Variants in USP6NL observed in about 807,000 individuals in gnomAD.
USP6NL encodes USP6 N-terminal-like protein.
Under a neutral mutation model 61.9 loss-of-function variants are expected in USP6NL, and 26 were observed. That is an observed-to-expected ratio of 0.42 (90% confidence interval 0.31 to 0.58). The LOEUF (loss-of-function observed/expected upper bound fraction) is 0.58, where lower values mean the gene tolerates loss of function less well. USP6NL is among the 20% of genes least tolerant of loss of function. USP6NL has a pLI of 0.16. For missense variants in USP6NL, 1,114 were observed against 1,034.3 expected (o/e 1.08, Z -1.06); for synonymous variants, 432 against 390.1 (o/e 1.11, Z -1.27).
intron 2 of USP6NL, among the ~76,000 whole-genome samples, chr10:11,546,510 T>C (rs956873033): frequency 1.3e-5 from 2 of 152,182 alleles, no homozygotes; most frequent in African/African-American, 4.8e-5. Context: ...CAAGCAATTC[T>C]TCTGCCTCAG....
At chr10:11,593,623 T>C (rs1188745898) in intron 2 of USP6NL, among the ~76,000 whole-genome samples, 1 of 152,166 alleles carries the variant, frequency 6.6e-6, no homozygotes, top group Non-Finnish European at 1.5e-5. Context: ...CACAATGAAA[T>C]GCACATCATA....
chr10:11,597,548 T>G lies in USP6NL; in HGVS notation c.4+83A>C. On this transcript the variant is annotated intron_variant, in intron 2 of 14. Transcript: ENST00000609104. This position sits in a 1 kb window ranked among gnomAD's most constrained non-coding sequence, Gnocchi z 4.6. ...AATAAGTGACATAATTCCAATTTAT[T>G]CAGTAACATGTTTTTCTTCTCCTAA... 6 of 1,377,368 alleles carry G rather than the reference T, an allele frequency of 4.4e-6. No homozygotes were observed. Among genetic ancestry groups the G allele is most frequent in the Non-Finnish European group, 6.1e-6 (6 of 988,344 alleles). The allele number at this position is 1,377,368 out of a possible 1,614,324, so 85.3% of individuals were successfully genotyped here.
At chr10:11,545,767 T>C (rs1836249593) in intron 2 of USP6NL, among the ~76,000 whole-genome samples, 1 of 152,242 alleles carries the variant, frequency 6.6e-6, no homozygotes, top group Admixed American at 6.5e-5. Context: ...AATGAATGTC[T>C]TGTAGGACTT....
chr10:11,598,203 T>C lies in USP6NL; in HGVS notation c.-83-486A>G, dbSNP rs1209390165. On this transcript the variant is annotated intron_variant, in intron 1 of 14. Transcript: ENST00000609104. This position sits in a 1 kb window ranked among gnomAD's most constrained non-coding sequence, Gnocchi z 4.7. Reference sequence around the variant, plus strand: ...TATTTTCTTCATTATAAAAGTAATATGGGTTCATTGTTTTAAAAACAAAAA... The same window carrying C: ...TATTTTCTTCATTATAAAAGTAATACGGGTTCATTGTTTTAAAAACAAAAA... Among the ~76,000 whole-genome samples, 1 of 152,238 alleles carries C rather than the reference T, an allele frequency of 6.6e-6. No homozygotes were observed. The highest frequency in any genetic ancestry group is 2.4e-5 in the African/African-American group (1 of 41,464).
chr10:11,509,012 T>TA (rs1834582644), intron 6 of USP6NL, among the ~76,000 whole-genome samples: 1 of 152,218 alleles, frequency 6.6e-6, no homozygotes, highest in Non-Finnish European at 1.5e-5. Context: ...TCTCACTGTT[T>TA]AAAGACTTTT....
intron 6 of USP6NL, among the ~76,000 whole-genome samples, chr10:11,504,275 A>C: frequency 6.6e-6 from 1 of 152,204 alleles, no homozygotes; most frequent in African/African-American, 2.4e-5. Context: ...CAAACTCTAT[A>C]AAACAAAGTG....
At chr10:11,530,695 T>C (rs1312472486) in intron 2 of USP6NL, among the ~76,000 whole-genome samples, 6 of 152,222 alleles carry the variant, frequency 3.9e-5, no homozygotes, top group Admixed American at 2.0e-4. Context: ...TTAGAAAATA[T>C]AGCCAAATCT....
At chr10:11,545,846 T>C (rs973736929) in intron 2 of USP6NL, among the ~76,000 whole-genome samples, 2 of 148,978 alleles carry the variant, frequency 1.3e-5, no homozygotes, top group African/African-American at 4.9e-5. Context: ...GAACTTGTAT[T>C]TGCATATGAC....
At chr10:11,503,464 G>A (rs999154177) in intron 6 of USP6NL, among the ~76,000 whole-genome samples, 2 of 152,052 alleles carry the variant, frequency 1.3e-5, no homozygotes, top group Non-Finnish European at 2.9e-5. Flanking sequence ...TTAAAAAGTA[G>A]GAAATCTGGG....
Position 11,561,343 on chromosome 10 carries a change from G to C in USP6NL, c.5-33776C>G, listed in dbSNP as rs1352751311. 6.6e-6 allele frequency among the ~76,000 whole-genome samples: 1 copy of C among 152,054 alleles called. No homozygotes were observed. Among genetic ancestry groups the C allele is most frequent in the Non-Finnish European group, 1.5e-5 (1 of 68,006 alleles). Reference sequence around the variant, plus strand: ...CCTCTAATGTTAACTTTTTTGGTGGGTTTCCATAAAGTCTTTCTCCTTTGC... The same window carrying C: ...CCTCTAATGTTAACTTTTTTGGTGGCTTTCCATAAAGTCTTTCTCCTTTGC... On this transcript the variant is annotated intron_variant, in intron 2 of 14. Coordinates refer to ENST00000609104, the MANE Select transcript of USP6NL (RefSeq NM_014688.5). This position sits in a 1 kb window ranked among gnomAD's most constrained non-coding sequence, Gnocchi z 4.1.
chr10:11,566,285 AAC>A (rs1837151790), intron 2 of USP6NL, among the ~76,000 whole-genome samples: 1 of 152,204 alleles, frequency 6.6e-6, no homozygotes, highest in African/African-American at 2.4e-5. Context: ...GGCATATATA[AAC>A]AGTTTCTCAA....
At position 11,470,914 on chromosome 10, in the gene USP6NL, G is replaced by A. The variant is rs1279523980; in HGVS notation, c.1079-7065C>T. Among the ~76,000 whole-genome samples the A allele has an allele frequency of 6.6e-6, 1 of 152,176 alleles. No individual in the cohort carries two copies. Among genetic ancestry groups the A allele is most frequent in the African/African-American group, 2.4e-5 (1 of 41,450 alleles). On this transcript the variant is annotated intron_variant, in intron 14 of 14. Transcript: ENST00000609104. The surrounding 1 kb of genome is among the most constrained non-coding windows in gnomAD (Gnocchi z 5.4). ...AACACAGGAATTGGAGGCCTGGCGT[G>A]GTGGCTCACGCCTGTAATCCCAGCA...
intron 6 of USP6NL, among the ~76,000 whole-genome samples, chr10:11,504,832 G>A (rs1222486369): frequency 6.6e-6 from 1 of 152,180 alleles, no homozygotes; most frequent in African/African-American, 2.4e-5. Flanking sequence ...TGCTAACAGT[G>A]CTGAGCACCA....
intron 2 of USP6NL, among the ~76,000 whole-genome samples, chr10:11,555,047 GC>G (rs1165635733): frequency 7.0e-6 from 1 of 143,070 alleles, no homozygotes; most frequent in African/African-American, 2.6e-5. Context: ...CTCATGATCT[GC>G]CCAAAGTGCT....
intron 13 of USP6NL, among the ~76,000 whole-genome samples, chr10:11,483,354 A>C (rs1005526095): frequency 6.6e-6 from 1 of 151,184 alleles, no homozygotes; most frequent in Non-Finnish European, 1.5e-5. Flanking sequence ...ACAATTTAAG[A>C]AGCAGATGAG....
chr10:11,563,238 T>C (rs947571185), intron 2 of USP6NL: 4 of 152,108 alleles, frequency 2.6e-5, no homozygotes, highest in African/African-American at 7.2e-5. Flanking sequence ...TTTATAGAGA[T>C]GGAGAACAAA....
rs185524137 is a variant in USP6NL, at chr10:11,493,011, C to T, written c.494+108G>A. On this transcript the variant is annotated intron_variant, in intron 8 of 14. Transcript: ENST00000609104. Reference sequence around the variant, plus strand: ...GCAAATGATCTGCAAAAGCTTAAACCTTTAGGACCTAAATCGAAATTACAG... The same window carrying T: ...GCAAATGATCTGCAAAAGCTTAAACTTTTAGGACCTAAATCGAAATTACAG... 5.4e-6 allele frequency: 5 copies of T among 923,882 alleles called. No homozygotes were observed. The African/African-American group carries it at 6.7e-5, about 12-fold the overall frequency. The allele number at this position is 923,882 out of a possible 1,614,324, so 57.2% of individuals were successfully genotyped here. A position where few individuals can be genotyped will look rare whatever the true frequency, so the allele number is the denominator to read the frequency against.
rs1591864327 is a variant in USP6NL, at chr10:11,510,276, G to A, written c.196-601C>T. 2.6e-5 allele frequency among the ~76,000 whole-genome samples: 4 copies of A among 152,256 alleles called. No individual in the cohort carries two copies. Among genetic ancestry groups the A allele is most frequent in the East Asian group, 3.9e-4 (2 of 5,188 alleles). On this transcript the variant is annotated intron_variant, in intron 5 of 14. Coordinates refer to ENST00000609104, the MANE Select transcript of USP6NL (RefSeq NM_014688.5). The surrounding 1 kb of genome is among the most constrained non-coding windows in gnomAD (Gnocchi z 4.8). ...CACTGGCACAGGCAGGAAGGGCCAC[G>A]GCAGAAGGGGCAGTCAAATCCACCT... is the stretch of plus-strand genomic sequence containing the variant.
At chr10:11,578,994 TC>T (rs1312953430) in intron 2 of USP6NL, among the ~76,000 whole-genome samples, 1 of 152,156 alleles carries the variant, frequency 6.6e-6, no homozygotes, top group Non-Finnish European at 1.5e-5. Flanking sequence ...GTTTTCCCCC[TC>T]CCACACTCCC....
Sources: gnomAD v4.1 joint callset for allele counts (sites outside exome capture counted in the v4.1 genomes callset) on GRCh38, gnomAD v4.1.1 for gene constraint, Gnocchi (gnomAD v3.1) non-coding constraint, MANE v1.5 for transcripts, NCBI Gene and HGNC (gene_info 2026-07-23, HGNC 2026-07-21) for gene names.